The following CDH1 variants were observed in gnomAD, a reference collection of about 807,000 sequenced individuals.
CDH1 encodes cadherin-1.
Under a neutral mutation model 84.5 loss-of-function variants are expected in CDH1, and 35 were observed. The ratio of observed to expected loss-of-function variants is 0.41; its 90% CI spans 0.32 to 0.55. CDH1 has a LOEUF of 0.55. Ranked by LOEUF, CDH1 falls within the 20% of genes least tolerant of loss-of-function variation. The probability of loss-of-function intolerance (pLI) is 0.19; values close to 1 mark genes in which losing one functional copy is unlikely to be tolerated. For missense variants in CDH1, 994 were observed against 1,126.6 expected, an observed-to-expected ratio of 0.88 and a Z score of 1.68; for synonymous variants, 417 against 439.0, an observed-to-expected ratio of 0.95 and a Z score of 0.63.
At position 68,834,038 on chromosome 16, in the gene CDH1, C is replaced by G; in HGVS notation, c.*539C>G. On this transcript the variant is annotated 3_prime_UTR_variant, in exon 16 of 16. Transcript: ENST00000261769. ...GTGGTGCAATCACAGCTCACTGCAG[C>G]CTTGTCCTCCCAGGCTCAAGCTATC... is the stretch of plus-strand genomic sequence containing the variant. 2.7e-6 allele frequency: 1 copy of G among 374,240 alleles called. No homozygotes were observed. Among genetic ancestry groups the G allele is most frequent in the East Asian group, 5.0e-5 (1 of 19,808 alleles). 23.2% of individuals were successfully genotyped at this position (374,240 alleles called of 1,614,324 possible).
At chr16:68,794,895 T>C (rs894525856) in intron 2 of CDH1, among the ~76,000 whole-genome samples, 5 of 151,642 alleles carry the variant, frequency 3.3e-5, no homozygotes, top group Non-Finnish European at 7.4e-5. Flanking sequence ...GGTTTCACCG[T>C]GTTAGCCAGG....
In CDH1 at chr16:68,778,179, T is replaced by G. The variant is rs540171047; in HGVS notation, c.164-23491T>G. ...TCTCCTGCCTTAGCTTCCCAAGTAG[T>G]TGGGGCTACAGGCACCTGCCACCAT... On this transcript the variant is annotated intron_variant, in intron 2 of 15. Transcript: ENST00000261769. Among the ~76,000 whole-genome samples, 25 of 152,264 alleles carry G rather than the reference T, an allele frequency of 1.6e-4. No individual in the cohort carries two copies. The East Asian group carries it at 2.3e-3, about 14-fold the overall frequency.
chr16:68,831,552 A>G (rs1431489332), intron 15 of CDH1, among the ~76,000 whole-genome samples: 2 of 150,350 alleles, frequency 1.3e-5, no homozygotes, highest in Admixed American at 6.7e-5. Flanking sequence ...TTTTATTTTC[A>G]TTTTTTGAGA....
intron 9 of CDH1, chr16:68,814,607 A>C (rs899946893): frequency 6.6e-6 from 1 of 152,082 alleles, no homozygotes; most frequent in Non-Finnish European, 1.5e-5. Context: ...AAGAAGTACT[A>C]TCTGCTTTAA....
At chr16:68,786,941 C>T (rs964683112) in intron 2 of CDH1, among the ~76,000 whole-genome samples, 1 of 152,130 alleles carries the variant, frequency 6.6e-6, no homozygotes, top group South Asian at 2.1e-4. Flanking sequence ...CAGCACAGCC[C>T]ACATTTGAAA....
At chr16:68,750,542 AT>A (rs1030873554) in intron 2 of CDH1, among the ~76,000 whole-genome samples, 6 of 152,036 alleles carry the variant, frequency 3.9e-5, no homozygotes, top group Admixed American at 3.9e-4. Context: ...CCGTGGGATA[AT>A]TGGCCAAGTT....
Position 68,766,190 on chromosome 16 carries a change from T to C in CDH1, c.163+27779T>C, listed in dbSNP as rs190622749. On this transcript the variant is annotated intron_variant, in intron 2 of 15. Coordinates refer to ENST00000261769, the MANE Select transcript of CDH1 (RefSeq NM_004360.5). Reference sequence around the variant, plus strand: ...AGGAGAATCGCTTGAACCCGGGAGGTAGAGGTTGCAGTGAGCTGAGATCAC... The same window carrying C: ...AGGAGAATCGCTTGAACCCGGGAGGCAGAGGTTGCAGTGAGCTGAGATCAC... 1.6e-3 allele frequency among the ~76,000 whole-genome samples: 247 copies of C among 151,832 alleles called. 1 individual carries two copies. Among genetic ancestry groups the C allele is most frequent in the African/African-American group, 5.6e-3 (233 of 41,422 alleles).
At chr16:68,810,573 T>A (rs536231879) in intron 6 of CDH1, among the ~76,000 whole-genome samples, 1 of 151,794 alleles carries the variant, frequency 6.6e-6, no homozygotes, top group East Asian at 1.9e-4. Context: ...TTAATTTTTT[T>A]TTTTTTTAGG....
At chr16:68,738,230 T>G in intron 1 of CDH1, 67 bp from the exon 2 acceptor site, 1 of 1,053,388 alleles carries the variant, frequency 9.5e-7, no homozygotes, top group Non-Finnish European at 1.4e-6. Flanking sequence ...GGCGGCGCTG[T>G]TGGTTTCGGT....
chr16:68,760,072 T>G (rs1323313158), intron 2 of CDH1, among the ~76,000 whole-genome samples: 1 of 94,170 alleles, frequency 1.1e-5, no homozygotes, highest in Non-Finnish European at 2.6e-5. Context: ...TTGTAAAGTA[T>G]TCCATATATA....
chr16:68,745,564 G>A (rs8046406), intron 2 of CDH1, among the ~76,000 whole-genome samples: 2 of 112,528 alleles, frequency 1.8e-5, no homozygotes, highest in African/African-American at 3.6e-5. Context: ...ATATATATAT[G>A]TATATATATA....
chr16:68,834,409 G>T lies in CDH1; in HGVS notation c.*910G>T, dbSNP rs774580004. ...CTTTTTATTTTTTTGTACAGATGGG[G>T]TCTTGCTATGTTGCCCAAGCTGGTC... On this transcript the variant is annotated 3_prime_UTR_variant, in exon 16 of 16. Transcript: ENST00000261769. 2 of 379,984 alleles carry T rather than the reference G, an allele frequency of 5.3e-6. No individual in the cohort carries two copies. Among genetic ancestry groups the T allele is most frequent in the East Asian group, 5.2e-5 (1 of 19,064 alleles). The allele number at this position is 379,984 out of a possible 1,614,324, so 23.5% of individuals were successfully genotyped here. A position where few individuals can be genotyped will look rare whatever the true frequency, so the allele number is the denominator to read the frequency against.
At chr16:68,782,247 A>G (rs1959905795) in intron 2 of CDH1, among the ~76,000 whole-genome samples, 3 of 152,134 alleles carry the variant, frequency 2.0e-5, no homozygotes, top group Admixed American at 2.0e-4. Flanking sequence ...TCAGGATTTG[A>G]CCCTACAGGG....
At chr16:68,807,288 T>C (rs999179998) in intron 3 of CDH1, among the ~76,000 whole-genome samples, 10 of 152,194 alleles carry the variant, frequency 6.6e-5, no homozygotes, top group African/African-American at 1.9e-4. Flanking sequence ...AAGAGATTTA[T>C]ATTGATCACA....
At chr16:68,768,166 G>A (rs1423928540) in intron 2 of CDH1, among the ~76,000 whole-genome samples, 1 of 152,138 alleles carries the variant, frequency 6.6e-6, no homozygotes, top group Non-Finnish European at 1.5e-5. Flanking sequence ...GGCTGGTCTC[G>A]AAGTCCTGAC....
chr16:68,792,199 G>T (rs1960225517), intron 2 of CDH1, among the ~76,000 whole-genome samples: 1 of 147,648 alleles, frequency 6.8e-6, no homozygotes, highest in Non-Finnish European at 1.5e-5. Flanking sequence ...GTGATTACAG[G>T]CATGAGGCAC....
At chr16:68,819,798 T>C (rs916728797) in intron 11 of CDH1, among the ~76,000 whole-genome samples, 7 of 152,190 alleles carry the variant, frequency 4.6e-5, no homozygotes, top group African/African-American at 1.7e-4. Context: ...GCAGTATTTC[T>C]CCTTATATGT....
At chr16:68,816,967 G>A (rs1318113886) in intron 10 of CDH1, among the ~76,000 whole-genome samples, 1 of 152,200 alleles carries the variant, frequency 6.6e-6, no homozygotes, top group Non-Finnish European at 1.5e-5. Context: ...AAAGCTTGCA[G>A]TAGTGAAATA....
chr16:68,746,099 G>A (rs972829741), intron 2 of CDH1, among the ~76,000 whole-genome samples: 1 of 152,210 alleles, frequency 6.6e-6, no homozygotes, highest in Non-Finnish European at 1.5e-5. Context: ...TCGCACGCGT[G>A]AGCCACCACA....
Sources: gnomAD v4.1 joint callset for allele counts (sites outside exome capture counted in the v4.1 genomes callset) on GRCh38, gnomAD v4.1.1 for gene constraint, MANE v1.5 for transcripts, NCBI Gene and HGNC (gene_info 2026-07-23, HGNC 2026-07-21) for gene names.